The following CACNA1B variants were observed in gnomAD, a reference collection of about 807,000 sequenced individuals.
CACNA1B encodes voltage-dependent N-type calcium channel subunit alpha-1B.
A neutral mutation model predicts 247.2 loss-of-function variants in CACNA1B; 70 were observed. That is an observed-to-expected ratio of 0.28 (90% CI 0.23 to 0.35). The LOEUF is 0.35. CACNA1B is among the 10% of genes least tolerant of loss of function. The probability of loss-of-function intolerance (pLI) is 1.00; values close to 1 mark genes in which losing one functional copy is unlikely to be tolerated. For synonymous variants in CACNA1B, 1,231 were observed against 1,294.4 expected (o/e 0.95, Z 1.05); for missense variants, 2,367 against 3,197.4 (o/e 0.74, Z 6.26).
chr9:137,912,866 GC>G (rs1957372972), intron 3 of CACNA1B, among the ~76,000 whole-genome samples: 2 of 152,190 alleles, frequency 1.3e-5, no homozygotes, highest in Non-Finnish European at 2.9e-5. Flanking sequence ...TTCCTGCCAT[GC>G]CAGGGGCCAA....
rs1033357889 is a variant in CACNA1B, at chr9:138,085,250, A to G, written c.5094+6992A>G. ...ATGAAATTAAAAATAAAAACTAACAATAGAGAGCTTCAGCAGTGAGTCTGA... is the reference window on the plus strand; with the variant it reads ...ATGAAATTAAAAATAAAAACTAACAGTAGAGAGCTTCAGCAGTGAGTCTGA... On this transcript the variant is annotated intron_variant, in intron 36 of 46. Transcript: ENST00000371372. Among the ~76,000 whole-genome samples the G allele has an allele frequency of 3.3e-5, 5 of 150,932 alleles. No homozygotes were observed. In the East Asian group the frequency reaches 8.2e-4, roughly 25 times the overall value.
rs757582712 is a variant in CACNA1B, at chr9:138,121,970, C to T, written c.6991C>T (p.His2331Tyr). The stretch of plus-strand genomic sequence containing the variant: ...GGGTGGCCGAGCACGGCACAGCTAC[C>T]ACCACCCTGACCAAGACCACTGGTG... ...SSGGRARHSY[H>Y]HPDQDHWC Residue 2331 changes from histidine to tyrosine, a missense_variant, in exon 47 of 47, where the codon CAC (histidine) becomes TAC (tyrosine). Coordinates refer to ENST00000371372, the MANE Select transcript of CACNA1B (RefSeq NM_000718.4). The surrounding 1 kb of genome is among the most constrained non-coding windows in gnomAD (Gnocchi z 6.8). 1.2e-6 allele frequency: 2 copies of T among 1,601,488 alleles called. No homozygotes were observed. The highest frequency in any genetic ancestry group is 2.2e-5 in the East Asian group (1 of 44,852).
chr9:137,994,883 A>T (rs1188671491), intron 15 of CACNA1B, among the ~76,000 whole-genome samples: 1 of 152,206 alleles, frequency 6.6e-6, no homozygotes, highest in Non-Finnish European at 1.5e-5. Context: ...GATGGAACCA[A>T]CAAAGAGCCT....
intron 15 of CACNA1B, among the ~76,000 whole-genome samples, chr9:137,995,218 A>G (rs1958482859): frequency 6.6e-6 from 1 of 151,988 alleles, no homozygotes; most frequent in African/African-American, 2.4e-5. Context: ...GTCTCAAAAA[A>G]AAAAAAAAAA....
At chr9:137,916,102 G>A (rs999691997) in intron 5 of CACNA1B, among the ~76,000 whole-genome samples, 4 of 147,300 alleles carry the variant, frequency 2.7e-5, no homozygotes, top group Non-Finnish European at 5.9e-5. Context: ...GTGCAATCTC[G>A]GCTCGCTGCA....
chr9:137,976,113 G>T, intron 12 of CACNA1B, 94 bp downstream of exon 12: 2 of 788,630 alleles, frequency 2.5e-6, no homozygotes, highest in Admixed American at 4.5e-5. Flanking sequence ...GTGGGCTGGG[G>T]TCTGTGACCC....
chr9:138,074,510 G>T (rs1960246656), intron 34 of CACNA1B, among the ~76,000 whole-genome samples: 1 of 152,184 alleles, frequency 6.6e-6, no homozygotes, highest in African/African-American at 2.4e-5. Context: ...CAAAGTGCTG[G>T]GATTACAGGT....
intron 32 of CACNA1B, among the ~76,000 whole-genome samples, chr9:138,070,616 G>A (rs769532530): frequency 2.0e-5 from 3 of 152,306 alleles, no homozygotes; most frequent in South Asian, 2.1e-4. Flanking sequence ...GTGATACAGC[G>A]ATTCACAATT....
chr9:138,037,220 C>T (rs1013869359), intron 20 of CACNA1B, among the ~76,000 whole-genome samples: 2 of 152,216 alleles, frequency 1.3e-5, no homozygotes, highest in African/African-American at 4.8e-5. Flanking sequence ...CGGAACAGGG[C>T]TTCTCAGCCT....
At chr9:137,904,668 C>T (rs982569045) in intron 3 of CACNA1B, among the ~76,000 whole-genome samples, 18 of 152,106 alleles carry the variant, frequency 1.2e-4, no homozygotes, top group African/African-American at 3.9e-4. Context: ...GCACTGCCTC[C>T]GCCTCCCCCC....
intron 36 of CACNA1B, among the ~76,000 whole-genome samples, chr9:138,093,552 C>G (rs1960952489): frequency 1.3e-5 from 2 of 151,800 alleles, no homozygotes; most frequent in Admixed American, 1.3e-4. Flanking sequence ...ACTAGCCTGG[C>G]CAACATGGTG....
intron 32 of CACNA1B, among the ~76,000 whole-genome samples, chr9:138,071,543 C>T (rs1589111025): frequency 6.6e-6 from 1 of 152,190 alleles, no homozygotes; most frequent in Non-Finnish European, 1.5e-5. Context: ...CACAGCTCTC[C>T]AGGGCGCCCG....
chr9:137,964,360 C>T (rs1958052173), intron 10 of CACNA1B, among the ~76,000 whole-genome samples: 1 of 152,066 alleles, frequency 6.6e-6, no homozygotes, highest in Admixed American at 6.6e-5. Context: ...TTACATAATC[C>T]CATATTTCTC....
chr9:137,946,803 G>C (rs1238169340), intron 6 of CACNA1B, among the ~76,000 whole-genome samples: 1 of 152,204 alleles, frequency 6.6e-6, no homozygotes, highest in Non-Finnish European at 1.5e-5. Context: ...GTATGGAGCA[G>C]AGAGGAAAAG....
intron 3 of CACNA1B, among the ~76,000 whole-genome samples, chr9:137,893,650 C>CAA (rs530059391): frequency 1.1e-5 from 1 of 91,748 alleles, no homozygotes; most frequent in South Asian, 3.1e-4. Context: ...GACTCTGTCT[C>CAA]AAAAAAAAAA....
intron 20 of CACNA1B, among the ~76,000 whole-genome samples, chr9:138,029,379 C>G (rs1298646651): frequency 1.3e-5 from 2 of 152,094 alleles, no homozygotes; most frequent in Non-Finnish European, 1.5e-5. Flanking sequence ...TAGGACAGTT[C>G]CTTTGTAATA....
intron 3 of CACNA1B, among the ~76,000 whole-genome samples, chr9:137,903,314 A>C (rs1332984272): frequency 6.6e-6 from 1 of 152,190 alleles, no homozygotes; most frequent in Non-Finnish European, 1.5e-5. Context: ...TGAACCCAGG[A>C]GGTGGAGGTT....
At chr9:138,068,363 G>A (rs1275915150) in intron 31 of CACNA1B, among the ~76,000 whole-genome samples, 1 of 152,102 alleles carries the variant, frequency 6.6e-6, no homozygotes, top group South Asian at 2.1e-4. Context: ...ATATTTATGC[G>A]TAATCTTTTA....
Position 137,971,696 on chromosome 9 carries a change from A to G in CACNA1B, c.1543+104A>G, listed in dbSNP as rs1958152262. 1.1e-6 allele frequency: 1 copy of G among 932,430 alleles called. No homozygotes were observed. The highest frequency in any genetic ancestry group is 1.6e-6 in the Non-Finnish European group (1 of 609,796). The allele number at this position is 932,430 out of a possible 1,614,324, so 57.8% of individuals were successfully genotyped here. ...GGCTACCCCAGGTGGGACGGGACCC[A>G]CCCCCATGTTGCTCAAAGTATCCCA... is the stretch of plus-strand genomic sequence containing the variant. On this transcript the variant is annotated intron_variant, in intron 11 of 46. Coordinates refer to ENST00000371372, the MANE Select transcript of CACNA1B (RefSeq NM_000718.4). The surrounding 1 kb of genome is among the most constrained non-coding windows in gnomAD (Gnocchi z 4.4).
Sources: allele counts gnomAD v4.1 joint callset (sites outside exome capture counted in the v4.1 genomes callset), GRCh38; gene constraint gnomAD v4.1.1; non-coding constraint Gnocchi (gnomAD v3.1); transcripts MANE v1.5; gene names NCBI Gene and HGNC (gene_info 2026-07-23, HGNC 2026-07-21).